The following GFPT1 variants were observed in gnomAD, a reference collection of about 807,000 sequenced individuals.
The protein encoded by GFPT1 is glutamine--fructose-6-phosphate transaminase 1.
In GFPT1, 40 loss-of-function variants were observed where a neutral mutation model predicts 92.0. The observed-to-expected ratio is 0.43, with a 90% CI of 0.34 to 0.57. The LOEUF (loss-of-function observed/expected upper bound fraction) is 0.57, where lower values mean the gene tolerates loss of function less well. GFPT1 is among the 20% of genes least tolerant of loss of function. The pLI is 0.02. For missense variants in GFPT1, 448 were observed against 869.1 expected, an observed-to-expected ratio of 0.52 and a Z score of 6.09; for synonymous variants, 269 against 280.6, an observed-to-expected ratio of 0.96 and a Z score of 0.41.
chr2:69,371,403 A>G (rs962390907), intron 2 of GFPT1: 1 of 151,934 alleles, frequency 6.6e-6, no homozygotes, highest in Non-Finnish European at 1.5e-5. Flanking sequence ...GAACATGCAA[A>G]GTTTAAAATA....
chr2:69,375,197 AC>A (rs1383786911), intron 1 of GFPT1, among the ~76,000 whole-genome samples: 1 of 152,240 alleles, frequency 6.6e-6, no homozygotes, highest in African/African-American at 2.4e-5. Context: ...ATGTATCAAA[AC>A]TGAAGACTAA....
Position 69,329,728 on chromosome 2 carries a change from T to C in GFPT1, c.1553A>G (p.Gln518Arg), listed in dbSNP as rs770150868. 1.2e-6 allele frequency: 2 copies of C among 1,613,476 alleles called. No homozygotes were observed. The change falls in exon 16 of 20, where the codon CAA becomes CGA. Residue 518 changes from glutamine (Q) to arginine (R), a missense_variant. Physicochemically the swap from Gln to Arg is conservative, Grantham distance 43. Coordinates refer to ENST00000357308, the MANE Select transcript of GFPT1 (RefSeq NM_001244710.2). ...AAGCATGATCTCTTTGCGTCTTTCT[T>C]GCATGGAGATCCGATCATCACACAT... ...LMMCDDRISM[Q>R]ERRKEIMLGL...
Position 69,374,542 on chromosome 2 carries a change from T to C in GFPT1, c.8-429A>G, listed in dbSNP as rs1197323663. Reference sequence around the variant, plus strand: ...GTTAGCCAGGATGGTCTCAATCTCCTGACCTCGTGATCTGCCCGCCTCGGC... The same window carrying C: ...GTTAGCCAGGATGGTCTCAATCTCCCGACCTCGTGATCTGCCCGCCTCGGC... On this transcript the variant is annotated intron_variant, in intron 1 of 19. Transcript: ENST00000357308. 1.5e-4 allele frequency among the ~76,000 whole-genome samples: 23 copies of C among 152,142 alleles called. 1 individual carries two copies. The highest frequency in any genetic ancestry group is 1.5e-3 in the Admixed American group (23 of 15,258).
intron 7 of GFPT1, among the ~76,000 whole-genome samples, chr2:69,355,572 T>G (rs1049480233): frequency 3.3e-5 from 5 of 152,210 alleles, no homozygotes; most frequent in African/African-American, 1.2e-4. Context: ...ATAGTTACTA[T>G]CCGGCCCACT....
rs1671414851 is a variant in GFPT1, at chr2:69,359,329, A to G, written c.350-3T>C. Reference sequence around the variant, plus strand: ...TCCATTGTGAATAACGATAAATTCTAAAAGAGGTAAAAGTGTTGAAGACAA... The same window carrying G: ...TCCATTGTGAATAACGATAAATTCTGAAAGAGGTAAAAGTGTTGAAGACAA... On this transcript the variant is annotated splice_polypyrimidine_tract_variant and splice_region_variant and intron_variant, in intron 4 of 19. Coordinates refer to ENST00000357308, the MANE Select transcript of GFPT1 (RefSeq NM_001244710.2). 2.6e-6 allele frequency: 4 copies of G among 1,512,106 alleles called. No homozygotes were observed. The highest frequency in any genetic ancestry group is 3.7e-6 in the Non-Finnish European group (4 of 1,088,888). 93.7% of individuals were successfully genotyped at this position (1,512,106 alleles called of 1,614,324 possible).
At chr2:69,374,812 T>A (rs899564956) in intron 1 of GFPT1, among the ~76,000 whole-genome samples, 1 of 152,220 alleles carries the variant, frequency 6.6e-6, no homozygotes, top group Non-Finnish European at 1.5e-5. Context: ...TTAATTTTGC[T>A]TATTTCCAAT....
intron 1 of GFPT1, among the ~76,000 whole-genome samples, chr2:69,383,307 C>G (rs996737402): frequency 1.3e-5 from 2 of 152,194 alleles, no homozygotes; most frequent in African/African-American, 4.8e-5. Flanking sequence ...CCTTTCCCGC[C>G]TTCTACTGCT....
intron 15 of GFPT1, among the ~76,000 whole-genome samples, chr2:69,332,312 T>C (rs1323539240): frequency 1.3e-5 from 2 of 150,498 alleles, no homozygotes; most frequent in Non-Finnish European, 3.0e-5. Context: ...TCTTTTCTTT[T>C]CTTTTTTTTT....
At chr2:69,373,874 A>C in intron 2 of GFPT1, 132 bp downstream of exon 2, 1 of 558,826 alleles carries the variant, frequency 1.8e-6, no homozygotes, top group Non-Finnish European at 3.3e-6. Flanking sequence ...AAATATGATA[A>C]AAGACAAAAA....
At chr2:69,341,534 A>G (rs771820213) in intron 13 of GFPT1, among the ~76,000 whole-genome samples, 2 of 152,190 alleles carry the variant, frequency 1.3e-5, no homozygotes, top group Non-Finnish European at 2.9e-5. Flanking sequence ...TCTGTTCATA[A>G]CAGTTGACAT....
chr2:69,373,766 C>T (rs1247944882), intron 2 of GFPT1, among the ~76,000 whole-genome samples: 1 of 152,048 alleles, frequency 6.6e-6, no homozygotes, highest in Non-Finnish European at 1.5e-5. Context: ...ACAATAATCC[C>T]CCATATGATG....
At chr2:69,334,620 A>T (rs536842345) in intron 15 of GFPT1, 1 of 152,368 alleles carries the variant, frequency 6.6e-6, no homozygotes, top group East Asian at 1.9e-4. Context: ...ATAGTGGGTC[A>T]CTAGAACTCA....
Position 69,387,132 on chromosome 2 carries a change from A to G in GFPT1, c.-61T>C. ...GTGGCTGGCGGGATCGGGGGTGCAC[A>G]CACGAGCTTCGGTGGGCAATCTGCG... On this transcript the variant is annotated 5_prime_UTR_variant, in exon 1 of 20. Transcript: ENST00000357308. The G allele has an allele frequency of 6.7e-7, 1 of 1,500,056 alleles. No individual in the cohort carries two copies. The highest frequency in any genetic ancestry group is 8.9e-7 in the Non-Finnish European group (1 of 1,129,242). 92.9% of individuals were successfully genotyped at this position (1,500,056 alleles called of 1,614,324 possible).
At chr2:69,343,376 G>A (rs1298373732) in intron 12 of GFPT1, among the ~76,000 whole-genome samples, 1 of 151,418 alleles carries the variant, frequency 6.6e-6, no homozygotes, top group African/African-American at 2.4e-5. Context: ...ACCATTTTCA[G>A]TCTGTCTACT....
At chr2:69,357,543 G>C (rs1052824687) in intron 6 of GFPT1, among the ~76,000 whole-genome samples, 1 of 152,162 alleles carries the variant, frequency 6.6e-6, no homozygotes, top group Admixed American at 6.6e-5. Context: ...TTGGGGAAAG[G>C]GAAGGAATAG....
chr2:69,372,738 G>A (rs1671781654), intron 2 of GFPT1, among the ~76,000 whole-genome samples: 1 of 152,128 alleles, frequency 6.6e-6, no homozygotes, highest in South Asian at 2.1e-4. Context: ...AGGAGTTGAG[G>A]AACTGACTTT....
At chr2:69,328,559 AC>A (rs758514492) in intron 17 of GFPT1, 121 bp from the exon 18 acceptor site, 5 of 682,032 alleles carry the variant, frequency 7.3e-6, no homozygotes, top group Non-Finnish European at 1.3e-5. Context: ...GTATTAAAGG[AC>A]CACTGATCTA....
intron 3 of GFPT1, 83 bp downstream of exon 3, chr2:69,369,918 G>T: frequency 1.2e-6 from 1 of 830,462 alleles, no homozygotes; most frequent in Admixed American, 1.7e-5. Flanking sequence ...AAAATATGGG[G>T]GGAGGGAGTA....
intron 2 of GFPT1, chr2:69,371,494 T>C (rs973092260): frequency 6.6e-6 from 1 of 151,974 alleles, no homozygotes; most frequent in Admixed American, 6.6e-5. Flanking sequence ...GAAATACATC[T>C]GGATTAGAAG....
Sources: allele counts gnomAD v4.1 joint callset (sites outside exome capture counted in the v4.1 genomes callset), GRCh38; gene constraint gnomAD v4.1.1; transcripts MANE v1.5; gene names NCBI Gene and HGNC (gene_info 2026-07-23, HGNC 2026-07-21).